The following PRLR variants were observed in gnomAD, a reference collection of about 807,000 sequenced individuals.
The protein encoded by PRLR is prolactin receptor.
PRLR carries 13 observed loss-of-function variants against 40.2 expected under a neutral mutation model. The observed-to-expected ratio is 0.32, with a 90% CI of 0.21 to 0.51. The LOEUF (loss-of-function observed/expected upper bound fraction) is 0.51. Among genes scored for constraint, PRLR ranks in the 20% least tolerant of loss-of-function variants. The probability of loss-of-function intolerance (pLI) is 0.97; values close to 1 mark genes in which losing one functional copy is unlikely to be tolerated. For missense variants in PRLR, 656 were observed against 747.3 expected, an observed-to-expected ratio of 0.88 and a Z score of 1.42; for synonymous variants, 269 against 278.7, an observed-to-expected ratio of 0.97 and a Z score of 0.35.
intron 1 of PRLR, among the ~76,000 whole-genome samples, chr5:35,155,530 T>C (rs540843637): frequency 6.6e-6 from 1 of 152,356 alleles, no homozygotes; most frequent in East Asian, 1.9e-4. Context: ...TATAATACCC[T>C]TGTAAAACCA....
chr5:35,150,381 A>G (rs904553309), intron 1 of PRLR, among the ~76,000 whole-genome samples: 1 of 152,198 alleles, frequency 6.6e-6, no homozygotes, highest in Non-Finnish European at 1.5e-5. Flanking sequence ...GTTGAAATGC[A>G]ACGATGGGCT....
intron 1 of PRLR, among the ~76,000 whole-genome samples, chr5:35,225,522 G>A (rs1041029863): frequency 2.6e-5 from 4 of 152,094 alleles, no homozygotes; most frequent in African/African-American, 7.2e-5. Context: ...GCTATTCAAC[G>A]GAAATATCAT....
At chr5:35,096,015 G>A (rs1000270169) in intron 2 of PRLR, among the ~76,000 whole-genome samples, 4 of 152,176 alleles carry the variant, frequency 2.6e-5, no homozygotes, top group Non-Finnish European at 5.9e-5. Context: ...CAAGAGGAGC[G>A]CATGTGCTGT....
At position 35,064,855 on chromosome 5, in the gene PRLR, C is replaced by A. The variant is rs533824031; in HGVS notation, c.*234G>T. On this transcript the variant is annotated 3_prime_UTR_variant, in exon 10 of 10. Transcript: ENST00000618457. ...CAGTGTGCTTTTATTTCATTGAACACATAGTTTTATAACTAACAGCAAAAA... is the reference window on the plus strand; with the variant it reads ...CAGTGTGCTTTTATTTCATTGAACAAATAGTTTTATAACTAACAGCAAAAA... The A allele has an allele frequency of 2.1e-4, 114 of 531,240 alleles. No homozygotes were observed. Among genetic ancestry groups the A allele is most frequent in the Non-Finnish European group, 3.4e-4 (104 of 303,810 alleles). The allele number at this position is 531,240 out of a possible 1,614,324, so 32.9% of individuals were successfully genotyped here.
At chr5:35,120,861 TA>T (rs1420544062) in intron 1 of PRLR, among the ~76,000 whole-genome samples, 3 of 152,210 alleles carry the variant, frequency 2.0e-5, no homozygotes, top group Non-Finnish European at 4.4e-5. Flanking sequence ...AGCCAAATAG[TA>T]AATATTTTCA....
At chr5:35,099,115 G>A (rs1172239091) in intron 2 of PRLR, among the ~76,000 whole-genome samples, 2 of 152,140 alleles carry the variant, frequency 1.3e-5, no homozygotes, top group Non-Finnish European at 2.9e-5. Context: ...TCAGAATTTG[G>A]TTTTCTTTTC....
At chr5:35,186,926 G>A (rs1302530030) in intron 1 of PRLR, among the ~76,000 whole-genome samples, 2 of 152,172 alleles carry the variant, frequency 1.3e-5, no homozygotes, top group African/African-American at 2.4e-5. Context: ...GTTGGTGCCA[G>A]CCTACACTAG....
At chr5:35,224,061 G>T (rs1347192249) in intron 1 of PRLR, among the ~76,000 whole-genome samples, 4 of 152,174 alleles carry the variant, frequency 2.6e-5, no homozygotes, top group Admixed American at 6.5e-5. Context: ...AGGCCTGCAG[G>T]AAACCAGTGC....
intron 1 of PRLR, among the ~76,000 whole-genome samples, chr5:35,210,727 T>C (rs1261910478): frequency 2.0e-5 from 3 of 152,170 alleles, no homozygotes; most frequent in Non-Finnish European, 4.4e-5. Flanking sequence ...CTCTTTTTTT[T>C]TGAGACAGGT....
chr5:35,171,920 T>A (rs1277577579), intron 1 of PRLR, among the ~76,000 whole-genome samples: 1 of 152,168 alleles, frequency 6.6e-6, no homozygotes, highest in Non-Finnish European at 1.5e-5. Context: ...TGCAAAAAAG[T>A]CTCACTTAAG....
intron 8 of PRLR, among the ~76,000 whole-genome samples, chr5:35,068,578 T>C (rs190301986): frequency 6.6e-6 from 1 of 152,324 alleles, no homozygotes; most frequent in Admixed American, 6.5e-5. Context: ...CTCTGTTTCA[T>C]AGAAAGAACA....
intron 1 of PRLR, among the ~76,000 whole-genome samples, chr5:35,187,570 C>T (rs1393280851): frequency 2.6e-5 from 4 of 152,112 alleles, no homozygotes; most frequent in Non-Finnish European, 5.9e-5. Flanking sequence ...TGGGTGCAAG[C>T]CCCTGACCTC....
Position 35,062,425 on chromosome 5 carries a change from T to G in PRLR, c.*2664A>C, listed in dbSNP as rs941133024. The G allele has an allele frequency of 3.9e-5, 6 of 152,254 alleles. No individual in the cohort carries two copies. Among genetic ancestry groups the G allele is most frequent in the African/African-American group, 1.4e-4 (6 of 41,446 alleles). 9.4% of individuals were successfully genotyped at this position (152,254 alleles called of 1,614,324 possible). A position where few individuals can be genotyped will look rare whatever the true frequency, so the allele number is the denominator to read the frequency against. On this transcript the variant is annotated 3_prime_UTR_variant, in exon 10 of 10. Coordinates refer to ENST00000618457, the MANE Select transcript of PRLR (RefSeq NM_000949.7). ...TCCTTCCATTTGAACAGCTGTCTCC[T>G]TGATAGACCACAAAAAAACTTTTTG...
intron 2 of PRLR, among the ~76,000 whole-genome samples, chr5:35,117,093 C>T (rs901436147): frequency 1.4e-4 from 21 of 152,106 alleles, no homozygotes; most frequent in African/African-American, 4.8e-4. Flanking sequence ...TGCTGAGCAT[C>T]AAATGATGCA....
intron 1 of PRLR, among the ~76,000 whole-genome samples, chr5:35,150,294 A>C (rs541487058): frequency 6.6e-5 from 10 of 152,302 alleles, no homozygotes; most frequent in African/African-American, 2.2e-4. Flanking sequence ...TTCCATCAGA[A>C]ACACATTTTT....
chr5:35,087,422 TTGTGTGTGTG>T (rs10691744), intron 3 of PRLR, among the ~76,000 whole-genome samples: 3 of 140,852 alleles, frequency 2.1e-5, no homozygotes, highest in Admixed American at 7.1e-5. Context: ...TCTCTTTCCT[TTGTGTGTGTG>T]TGTGTGTGTG....
intron 6 of PRLR, 35 bp downstream of exon 6, chr5:35,072,540 C>CAAGGAA: frequency 6.3e-7 from 1 of 1,596,968 alleles, no homozygotes; most frequent in Middle Eastern, 1.7e-4. Context: ...TTGCCAAAGG[C>CAAGGAA]CATAGTTCCT....
intron 3 of PRLR, among the ~76,000 whole-genome samples, chr5:35,087,896 C>T (rs540016862): frequency 6.6e-6 from 1 of 152,058 alleles, no homozygotes; most frequent in Non-Finnish European, 1.5e-5. Flanking sequence ...AGCTGGATGC[C>T]CTAGCATTGA....
At chr5:35,219,545 G>A (rs1776366406) in intron 1 of PRLR, among the ~76,000 whole-genome samples, 1 of 152,218 alleles carries the variant, frequency 6.6e-6, no homozygotes, top group Non-Finnish European at 1.5e-5. Context: ...CTGATCAACT[G>A]TAGAAAGCCC....
Sources: allele counts gnomAD v4.1 joint callset (sites outside exome capture counted in the v4.1 genomes callset), GRCh38; gene constraint gnomAD v4.1.1; transcripts MANE v1.5; gene names NCBI Gene and HGNC (gene_info 2026-07-23, HGNC 2026-07-21).